The following IQCM variants were observed in gnomAD, a reference collection of about 807,000 sequenced individuals.
IQCM encodes IQ domain-containing protein M.
Under a neutral mutation model 57.6 loss-of-function variants are expected in IQCM, and 45 were observed. The observed-to-expected ratio is 0.78, with a 90% CI of 0.62 to 1.00. IQCM has a LOEUF of 1.00. Among genes scored for constraint, IQCM ranks in the 50% least tolerant of loss-of-function variants. The probability of loss-of-function intolerance (pLI) is 0.00; values close to 1 mark genes in which losing one functional copy is unlikely to be tolerated. For missense variants in IQCM, 468 were observed against 511.6 expected (o/e 0.91, Z 0.82); for synonymous variants, 148 against 158.9 (o/e 0.93, Z 0.51).
chr4:149,475,640 A>G (rs980163177), intron 12 of IQCM, among the ~76,000 whole-genome samples: 3 of 152,218 alleles, frequency 2.0e-5, no homozygotes, highest in South Asian at 2.1e-4. Flanking sequence ...CTGAGGGGGG[A>G]AGAAGAAGCA....
At chr4:149,786,160 G>C (rs1314970377) in intron 2 of IQCM, among the ~76,000 whole-genome samples, 1 of 152,090 alleles carries the variant, frequency 6.6e-6, no homozygotes, top group African/African-American at 2.4e-5. Flanking sequence ...ACAATGAAGG[G>C]TCAGTGATTC....
intron 2 of IQCM, among the ~76,000 whole-genome samples, chr4:149,769,201 A>T (rs541284196): frequency 1.1e-4 from 16 of 152,160 alleles, no homozygotes; most frequent in Admixed American, 7.9e-4. Flanking sequence ...CTCATTCTGA[A>T]GAGTTTTATT....
At chr4:149,460,962 C>T (rs745457098) in intron 12 of IQCM, among the ~76,000 whole-genome samples, 9 of 152,044 alleles carry the variant, frequency 5.9e-5, no homozygotes, top group Non-Finnish European at 1.0e-4. Context: ...TGGCCAGGAA[C>T]GGTGGCTCAT....
intron 10 of IQCM, among the ~76,000 whole-genome samples, chr4:149,554,365 C>T (rs1749332621): frequency 1.3e-5 from 2 of 151,498 alleles, no homozygotes; most frequent in South Asian, 4.1e-4. Flanking sequence ...TTTCTTGAGA[C>T]GGAGTCTCGG....
chr4:149,400,981 G>A (rs1037942808), intron 13 of IQCM, among the ~76,000 whole-genome samples: 4 of 151,778 alleles, frequency 2.6e-5, no homozygotes, highest in African/African-American at 9.7e-5. Flanking sequence ...TCTATTAAAA[G>A]GGGTGACTTG....
rs139162142 is a variant in IQCM, at chr4:149,427,919, A to G, written c.1390+5477T>C. Among the ~76,000 whole-genome samples, 31 of 152,058 alleles carry G rather than the reference A, an allele frequency of 2.0e-4. No individual in the cohort carries two copies. The South Asian group carries it at 2.9e-3, about 14-fold the overall frequency. ...TTTCAAGTCCTATTTGGCATAAAAT[A>G]TATTTTTCAGTGACTATATTATTCA... On this transcript the variant is annotated intron_variant, in intron 13 of 13. Transcript: ENST00000636793.
chr4:149,548,865 C>G (rs962104678), intron 11 of IQCM, among the ~76,000 whole-genome samples: 1 of 152,160 alleles, frequency 6.6e-6, no homozygotes, highest in Admixed American at 6.5e-5. Context: ...GTCAACTCAA[C>G]CATGTCATAA....
chr4:149,704,346 C>T (rs1018379220), intron 5 of IQCM, among the ~76,000 whole-genome samples: 6 of 151,810 alleles, frequency 4.0e-5, no homozygotes, highest in Non-Finnish European at 8.8e-5. Context: ...TGGCAAACCA[C>T]GGTCTGGGCC....
chr4:149,433,517 T>C lies in IQCM; in HGVS notation c.1269A>G (p.Lys423=). Reference sequence around the variant, plus strand: ...AGAGTGTAAATAACATTTCAATTGCTTTGGACTTTTTGATTAGTTCAGAAT... The same window carrying C: ...AGAGTGTAAATAACATTTCAATTGCCTTGGACTTTTTGATTAGTTCAGAAT... ...EKYSELIKKS[K]AIEMLFTLYP... Residue 423 remains lysine (K), a synonymous_variant, in exon 13 of 14, where the codon AAA becomes AAG. Coordinates refer to ENST00000636793, the MANE Select transcript of IQCM (RefSeq NM_001363507.2). 1 of 1,192,494 alleles carries C rather than the reference T, an allele frequency of 8.4e-7. No individual in the cohort carries two copies. Among genetic ancestry groups the C allele is most frequent in the Non-Finnish European group, 1.1e-6 (1 of 952,298 alleles). The allele number at this position is 1,192,494 out of a possible 1,614,324, so 73.9% of individuals were successfully genotyped here.
chr4:149,738,291 C>T (rs1484916465), intron 3 of IQCM, among the ~76,000 whole-genome samples: 1 of 152,214 alleles, frequency 6.6e-6, no homozygotes, highest in Non-Finnish European at 1.5e-5. Flanking sequence ...GTGAGATACG[C>T]ACGTTTCCCT....
intron 12 of IQCM, among the ~76,000 whole-genome samples, chr4:149,444,807 A>G (rs1736328385): frequency 6.6e-6 from 1 of 151,966 alleles, no homozygotes; most frequent in Admixed American, 6.6e-5. Flanking sequence ...TATGAGCCTA[A>G]CATATTGCAT....
chr4:149,790,905 A>G (rs367725953), intron 2 of IQCM, among the ~76,000 whole-genome samples: 34 of 152,024 alleles, frequency 2.2e-4, no homozygotes, highest in African/African-American at 6.8e-4. Context: ...TTTCCAGTGT[A>G]TCATTGTTTT....
intron 13 of IQCM, among the ~76,000 whole-genome samples, chr4:149,409,945 G>A (rs890908336): frequency 2.0e-5 from 3 of 152,150 alleles, no homozygotes; most frequent in Non-Finnish European, 4.4e-5. Context: ...CAGCACTTTG[G>A]CAGGCCAAGG....
At chr4:149,482,254 T>A (rs1740986293) in intron 12 of IQCM, among the ~76,000 whole-genome samples, 1 of 152,040 alleles carries the variant, frequency 6.6e-6, no homozygotes, top group Non-Finnish European at 1.5e-5. Context: ...TCCTTTCCAA[T>A]TTGGATGTTC....
intron 7 of IQCM, among the ~76,000 whole-genome samples, chr4:149,632,691 A>G (rs1371400244): frequency 2.0e-5 from 3 of 152,068 alleles, no homozygotes; most frequent in Non-Finnish European, 4.4e-5. Flanking sequence ...ATTCTTTACT[A>G]CTCTCCTAGT....
At chr4:149,715,750 T>C (rs1274783536) in intron 5 of IQCM, among the ~76,000 whole-genome samples, 1 of 152,094 alleles carries the variant, frequency 6.6e-6, no homozygotes, top group African/African-American at 2.4e-5. Context: ...AGACCCGAAG[T>C]GGGTAGCTTC....
At chr4:149,361,978 A>G (rs6823978) in intron 13 of IQCM, among the ~76,000 whole-genome samples, 152,259 of 152,266 alleles carry the variant, frequency 1, 76,126 homozygotes, top group Middle Eastern at 1. Context: ...AACCACAGGG[A>G]TGGAGCTGCC....
At chr4:149,432,547 T>C (rs577773860) in intron 13 of IQCM, among the ~76,000 whole-genome samples, 62 of 152,078 alleles carry the variant, frequency 4.1e-4, no homozygotes, top group Middle Eastern at 3.4e-3. Context: ...ATAAAATTTA[T>C]AGAAGAAAAC....
At chr4:149,538,328 T>G (rs1747509356) in intron 12 of IQCM, among the ~76,000 whole-genome samples, 1 of 151,722 alleles carries the variant, frequency 6.6e-6, no homozygotes, top group African/African-American at 2.4e-5. Flanking sequence ...AATATTGGAA[T>G]AAATTAAAAT....
Sources: gnomAD v4.1 joint callset for allele counts (sites outside exome capture counted in the v4.1 genomes callset) on GRCh38, gnomAD v4.1.1 for gene constraint, MANE v1.5 for transcripts, NCBI Gene and HGNC (gene_info 2026-07-23, HGNC 2026-07-21) for gene names.